YES1: variants seen among roughly 807,000 people sequenced by gnomAD.
The protein encoded by YES1 is tyrosine-protein kinase Yes.
Under a neutral mutation model 70.4 loss-of-function variants are expected in YES1, and 39 were observed. The observed-to-expected ratio is 0.55, with a 90% CI of 0.43 to 0.72. YES1 has a LOEUF of 0.72. Ranked by LOEUF, YES1 falls within the 30% of genes least tolerant of loss-of-function variation. The pLI is 0.00. For synonymous variants in YES1, 198 were observed against 218.6 expected (o/e 0.91, Z 0.83); for missense variants, 495 against 644.8 (o/e 0.77, Z 2.52).
At chr18:810,434 C>T (rs1448098071) in intron 1 of YES1, among the ~76,000 whole-genome samples, 3 of 152,082 alleles carry the variant, frequency 2.0e-5, no homozygotes, top group African/African-American at 7.2e-5. Flanking sequence ...CCCAGGAAGA[C>T]AGGTCAAAGC....
At chr18:757,450 C>CT (rs1904343504) in intron 1 of YES1, among the ~76,000 whole-genome samples, 1 of 144,812 alleles carries the variant, frequency 6.9e-6, no homozygotes, top group East Asian at 2.0e-4. Context: ...TTGCAGTGAG[C>CT]AGAGATCGCG....
intron 11 of YES1, among the ~76,000 whole-genome samples, chr18:729,407 T>A (rs2080060430): frequency 6.6e-6 from 1 of 151,716 alleles, no homozygotes; most frequent in Non-Finnish European, 1.5e-5. Context: ...AGAGCGAGAC[T>A]CTGTCCCAAA....
intron 3 of YES1, among the ~76,000 whole-genome samples, chr18:751,129 T>C (rs2080337254): frequency 6.6e-6 from 1 of 152,200 alleles, no homozygotes; most frequent in Middle Eastern, 3.2e-3. Flanking sequence ...AAAATACGAC[T>C]GGAAGCAGAC....
chr18:732,730 A>G (rs1385035490), intron 11 of YES1, 104 bp downstream of exon 11: 5 of 1,431,778 alleles, frequency 3.5e-6, no homozygotes, highest in Non-Finnish European at 3.9e-6. Context: ...CAGGGGGACT[A>G]TGAGAAGAAA....
chr18:746,191 AAG>A (rs1176768114), intron 4 of YES1, 140 bp from the exon 5 acceptor site: 7 of 633,802 alleles, frequency 1.1e-5, no homozygotes, highest in Non-Finnish European at 2.0e-5. Context: ...AGGAAAATGT[AAG>A]AGTTTTATTG....
chr18:765,274 A>ATATG (rs1352585904), intron 1 of YES1, among the ~76,000 whole-genome samples: 1 of 97,790 alleles, frequency 1.0e-5, no homozygotes, highest in Admixed American at 9.2e-5. Flanking sequence ...ATATATATAT[A>ATATG]TATATATATA....
intron 1 of YES1, among the ~76,000 whole-genome samples, chr18:759,469 A>G (rs988774383): frequency 2.0e-5 from 3 of 152,226 alleles, no homozygotes; most frequent in African/African-American, 7.2e-5. Flanking sequence ...CTCCGTCTCA[A>G]AAAACAAACA....
At chr18:733,300 G>A (rs896862902) in intron 10 of YES1, among the ~76,000 whole-genome samples, 1 of 152,128 alleles carries the variant, frequency 6.6e-6, no homozygotes, top group Admixed American at 6.5e-5. Context: ...GCACCTAATA[G>A]CTGTAGTTAA....
chr18:777,651 A>G (rs2100109863), intron 1 of YES1, among the ~76,000 whole-genome samples: 2 of 151,906 alleles, frequency 1.3e-5, no homozygotes, highest in Non-Finnish European at 2.9e-5. Context: ...TACTAAAAAT[A>G]CAAAAATCAG....
At chr18:770,701 T>C (rs1463637085) in intron 1 of YES1, among the ~76,000 whole-genome samples, 1 of 152,182 alleles carries the variant, frequency 6.6e-6, no homozygotes, top group Non-Finnish European at 1.5e-5. Flanking sequence ...CTTTGTTTGT[T>C]TCCCTTCTTT....
At chr18:787,688 C>T (rs960013760) in intron 1 of YES1, among the ~76,000 whole-genome samples, 24 of 151,022 alleles carry the variant, frequency 1.6e-4, no homozygotes, top group African/African-American at 5.8e-4. Flanking sequence ...TCAGCCTGGG[C>T]AACAGAGTGA....
At chr18:770,325 G>A (rs942208336) in intron 1 of YES1, among the ~76,000 whole-genome samples, 1 of 148,060 alleles carries the variant, frequency 6.8e-6, no homozygotes, top group African/African-American at 2.5e-5. Context: ...CCTTCAATGT[G>A]AGTGATCAAC....
chr18:743,920 T>A (rs201031432), intron 6 of YES1, among the ~76,000 whole-genome samples: 2,473 of 147,402 alleles, frequency 0.017, 41 homozygotes, highest in East Asian at 0.094. Flanking sequence ...AAAAAAAAAA[T>A]ATATATATAT....
At chr18:725,524 A>G (rs183717766) in intron 11 of YES1, among the ~76,000 whole-genome samples, 212 of 152,308 alleles carry the variant, frequency 1.4e-3, no homozygotes, top group African/African-American at 4.8e-3. Flanking sequence ...TCTACATGAC[A>G]TTACTTTGAA....
chr18:723,714 T>G lies in YES1; in HGVS notation c.*710A>C, dbSNP rs1301271742. ...ACTCACTTTCTAGTTACCTTCATTA[T>G]TCTAAGTCAAACTCTTCAGAAAAGG... On this transcript the variant is annotated 3_prime_UTR_variant, in exon 12 of 12. Coordinates refer to ENST00000314574, the MANE Select transcript of YES1 (RefSeq NM_005433.4). 1.3e-5 allele frequency: 2 copies of G among 152,676 alleles called. No individual in the cohort carries two copies. Among genetic ancestry groups the G allele is most frequent in the African/African-American group, 2.4e-5 (1 of 41,464 alleles). 9.5% of individuals were successfully genotyped at this position (152,676 alleles called of 1,614,324 possible).
intron 1 of YES1, among the ~76,000 whole-genome samples, chr18:801,701 A>G (rs182892368): frequency 1.3e-5 from 2 of 152,336 alleles, no homozygotes; most frequent in South Asian, 2.1e-4. Flanking sequence ...ATGTATAGAG[A>G]GTGTGTATGT....
chr18:779,403 CAAAA>C lies in YES1; in HGVS notation c.-8-22572_-8-22569del, dbSNP rs35003724. On this transcript the variant is annotated intron_variant, in intron 1 of 11. Coordinates refer to ENST00000314574, the MANE Select transcript of YES1 (RefSeq NM_005433.4). Reference sequence around the variant, plus strand: ...TCGGAGACAGAGTGAGACCCTGTCTCAAAAAAAAAAAAAAAAGAAAGAAAGAAAT... The same window carrying C: ...TCGGAGACAGAGTGAGACCCTGTCTCAAAAAAAAAAAAGAAAGAAAGAAAT... Among the ~76,000 whole-genome samples, 100 of 63,074 alleles carry C rather than the reference CAAAA, an allele frequency of 1.6e-3. 1 individual carries two copies. The highest frequency in any genetic ancestry group is 0.015 in the East Asian group (32 of 2,100). 41.4% of individuals were successfully genotyped at this position (63,074 alleles called of 152,430 possible). A position where few individuals can be genotyped will look rare whatever the true frequency, so the allele number is the denominator to read the frequency against.
intron 1 of YES1, among the ~76,000 whole-genome samples, chr18:781,719 G>C (rs961653880): frequency 6.6e-6 from 1 of 152,048 alleles, no homozygotes; most frequent in East Asian, 1.9e-4. Context: ...ATTAGCTACT[G>C]TGATCCTTGA....
intron 1 of YES1, among the ~76,000 whole-genome samples, chr18:809,741 T>C (rs775677634): frequency 1.2e-4 from 19 of 152,078 alleles, no homozygotes; most frequent in Admixed American, 4.6e-4. Flanking sequence ...GCACCTTATA[T>C]AGACATTACA....
Sources: gnomAD v4.1 joint callset for allele counts (sites outside exome capture counted in the v4.1 genomes callset) on GRCh38, gnomAD v4.1.1 for gene constraint, MANE v1.5 for transcripts, NCBI Gene and HGNC (gene_info 2026-07-23, HGNC 2026-07-21) for gene names.